DDX31: variants seen among roughly 807,000 people sequenced by gnomAD.
DDX31 encodes DEAD-box helicase 31, also known as ATP-dependent DNA helicase DDX31.
A neutral mutation model predicts 91.3 loss-of-function variants in DDX31; 70 were observed. The ratio of observed to expected loss-of-function variants is 0.77; its 90% CI spans 0.63 to 0.94. DDX31 has a LOEUF of 0.94. Ranked by LOEUF, DDX31 falls within the 40% of genes least tolerant of loss-of-function variation. The pLI is 0.00. For missense variants in DDX31, 902 were observed against 925.0 expected (o/e 0.98, Z 0.32); for synonymous variants, 362 against 350.6 (o/e 1.03, Z -0.36).
chr9:132,623,326 G>A (rs1016476159), intron 17 of DDX31, among the ~76,000 whole-genome samples: 1 of 151,940 alleles, frequency 6.6e-6, no homozygotes, highest in Non-Finnish European at 1.5e-5. Context: ...GGGAGGCTGA[G>A]GCGGGCGGAT....
At chr9:132,596,261 C>T (rs1299862996) in intron 19 of DDX31, among the ~76,000 whole-genome samples, 1 of 152,210 alleles carries the variant, frequency 6.6e-6, no homozygotes, top group Non-Finnish European at 1.5e-5. Flanking sequence ...GTGTTGTTAA[C>T]CTGACTGTGA....
intron 18 of DDX31, among the ~76,000 whole-genome samples, chr9:132,616,527 G>A (rs1014662300): frequency 2.6e-5 from 4 of 152,190 alleles, no homozygotes; most frequent in Non-Finnish European, 4.4e-5. Flanking sequence ...GACAGTGTGG[G>A]TTTGATTTAT....
intron 4 of DDX31, among the ~76,000 whole-genome samples, chr9:132,660,494 T>C (rs1834866825): frequency 6.6e-6 from 1 of 152,200 alleles, no homozygotes; most frequent in African/African-American, 2.4e-5. Context: ...GCTCGCCAAC[T>C]ATTCAGAGAG....
At chr9:132,652,586 A>G in intron 6 of DDX31, 94 bp from the exon 7 acceptor site, 2 of 1,475,988 alleles carry the variant, frequency 1.4e-6, no homozygotes, top group Admixed American at 3.5e-5. Flanking sequence ...GTAGAACATC[A>G]GAAGCACTCT....
intron 17 of DDX31, among the ~76,000 whole-genome samples, chr9:132,621,082 C>T (rs770468042): frequency 2.0e-5 from 3 of 152,140 alleles, no homozygotes; most frequent in Non-Finnish European, 1.5e-5. Flanking sequence ...AGGTATATTT[C>T]ACAGGACAAA....
chr9:132,597,725 G>C (rs1374154600), intron 19 of DDX31, among the ~76,000 whole-genome samples: 1 of 152,118 alleles, frequency 6.6e-6, no homozygotes, highest in Non-Finnish European at 1.5e-5. Context: ...CAGAGCAGAA[G>C]CCCACACCCA....
intron 8 of DDX31, among the ~76,000 whole-genome samples, chr9:132,650,824 T>C (rs1436290417): frequency 6.6e-6 from 1 of 152,226 alleles, no homozygotes; most frequent in Non-Finnish European, 1.5e-5. Context: ...AATTTCTGTA[T>C]GTGGCTTGCT....
In DDX31 at chr9:132,650,182, G is replaced by A. The variant is rs1296694479; in HGVS notation, c.740+52C>T. 11 of 1,540,352 alleles carry A rather than the reference G, an allele frequency of 7.1e-6. No individual in the cohort carries two copies. In the Admixed American group the frequency reaches 1.5e-4, roughly 21 times the overall value. ...AGAAGGACCCAGCCTTACTGAATAG[G>A]AAGGCAGGACACATTCAAGAAGGAA... On this transcript the variant is annotated intron_variant, in intron 9 of 19. Transcript: ENST00000372159.
chr9:132,645,185 C>A (rs1833746304), intron 13 of DDX31, among the ~76,000 whole-genome samples: 1 of 152,166 alleles, frequency 6.6e-6, no homozygotes. Flanking sequence ...TTCTTTCTTT[C>A]CCAATTCCAG....
chr9:132,620,064 C>T (rs1831916714), intron 17 of DDX31, among the ~76,000 whole-genome samples: 1 of 151,944 alleles, frequency 6.6e-6, no homozygotes, highest in Non-Finnish European at 1.5e-5. Flanking sequence ...ATATTGAAAG[C>T]CGGGCAGCCA....
intron 7 of DDX31, among the ~76,000 whole-genome samples, chr9:132,651,353 T>C (rs1480104911): frequency 2.0e-5 from 3 of 152,180 alleles, no homozygotes; most frequent in Admixed American, 2.0e-4. Context: ...AAAAATAGTG[T>C]TTTGTGCTCC....
Position 132,662,663 on chromosome 9 carries a change from C to T in DDX31, c.108G>A (p.Ala36=), listed in dbSNP as rs35918594. The change falls in exon 2 of 20, where the codon GCG becomes GCA. Residue 36 remains alanine (A), a synonymous_variant. Coordinates refer to ENST00000372159, the MANE Select transcript of DDX31 (RefSeq NM_022779.9). ...QAKATKRKYQ[A]SSEAPPAKRR... Reference sequence around the variant, plus strand: ...GTTTCGCTGGGGGAGCCTCACTGGACGCTTGGTATTTTCTTTTCGTAGCCT... The same window carrying T: ...GTTTCGCTGGGGGAGCCTCACTGGATGCTTGGTATTTTCTTTTCGTAGCCT... 148,874 of 1,614,044 alleles carry T rather than the reference C, an allele frequency of 0.092. 7,706 individuals carry two copies. Among genetic ancestry groups the T allele is most frequent in the Non-Finnish European group, 0.11 (124,496 of 1,179,980 alleles).
chr9:132,606,861 A>G (rs1831055652), intron 19 of DDX31, among the ~76,000 whole-genome samples: 1 of 152,236 alleles, frequency 6.6e-6, no homozygotes, highest in South Asian at 2.1e-4. Flanking sequence ...CTAGAGCTCT[A>G]TTCTGCACAG....
chr9:132,653,180 G>A (rs1834323945), intron 6 of DDX31, among the ~76,000 whole-genome samples: 1 of 151,184 alleles, frequency 6.6e-6, no homozygotes, highest in African/African-American at 2.4e-5. Flanking sequence ...TTGTCAAGCA[G>A]CTGAATGCAA....
chr9:132,632,189 C>T, intron 14 of DDX31, 98 bp from the exon 15 acceptor site: 1 of 1,037,498 alleles, frequency 9.6e-7, no homozygotes, highest in Non-Finnish European at 1.4e-6. Context: ...TGAGAGTTCA[C>T]CCGCCCACAG....
chr9:132,667,522 G>C (rs983584474), intron 1 of DDX31, among the ~76,000 whole-genome samples: 1 of 152,082 alleles, frequency 6.6e-6, no homozygotes, highest in Admixed American at 6.6e-5. Flanking sequence ...AGAATGGTGT[G>C]AACTCAGGAG....
intron 1 of DDX31, chr9:132,663,092 A>T: frequency 9.5e-7 from 1 of 1,050,392 alleles, no homozygotes; most frequent in Admixed American, 2.3e-5. Context: ...TCACCCAAGG[A>T]GAAAAGAGGG....
intron 14 of DDX31, among the ~76,000 whole-genome samples, chr9:132,641,757 A>AT: frequency 6.6e-6 from 1 of 152,198 alleles, no homozygotes; most frequent in East Asian, 1.9e-4. Context: ...AGATTCACAC[A>AT]TTTTCAGACC....
At chr9:132,648,348 G>A in intron 10 of DDX31, 53 bp from the exon 11 acceptor site, 1 of 1,606,684 alleles carries the variant, frequency 6.2e-7, no homozygotes, top group Non-Finnish European at 8.5e-7. Context: ...AGCAGATGTG[G>A]TCTAAGGGGC....
Sources: allele counts gnomAD v4.1 joint callset (sites outside exome capture counted in the v4.1 genomes callset), GRCh38; gene constraint gnomAD v4.1.1; transcripts MANE v1.5; gene names NCBI Gene and HGNC (gene_info 2026-07-23, HGNC 2026-07-21).